ARHGAP42: variants seen among roughly 807,000 people sequenced by gnomAD.
ARHGAP42 encodes rho GTPase-activating protein 42.
In ARHGAP42, 63 loss-of-function variants were observed where a neutral mutation model predicts 125.0. The ratio of observed to expected loss-of-function variants is 0.50; its 90% CI spans 0.41 to 0.62. The LOEUF is 0.62. Among genes scored for constraint, ARHGAP42 ranks in the 20% least tolerant of loss-of-function variants. ARHGAP42 has a pLI of 0.00. For missense variants in ARHGAP42, 766 were observed against 1,024.2 expected (o/e 0.75, Z 3.44); for synonymous variants, 339 against 351.0 (o/e 0.97, Z 0.38).
At chr11:100,730,744 G>A (rs1861941547) in intron 1 of ARHGAP42, among the ~76,000 whole-genome samples, 1 of 152,198 alleles carries the variant, frequency 6.6e-6, no homozygotes, top group African/African-American at 2.4e-5. Flanking sequence ...TTGTCATTGT[G>A]TGAACATCAT....
Position 100,958,665 on chromosome 11 carries a change from G to GT in ARHGAP42, c.1163-1212dup, listed in dbSNP as rs567261632. Among the ~76,000 whole-genome samples, 34 of 151,970 alleles carry GT rather than the reference G, an allele frequency of 2.2e-4. 1 individual carries two copies. The East Asian group carries it at 4.4e-3, about 20-fold the overall frequency. ...AGTAGTTTGCATATATATTTGTGGAGTTTTTTCTTAGGAAAATAGAAACAG... is the reference window on the plus strand; with the variant it reads ...AGTAGTTTGCATATATATTTGTGGAGTTTTTTTCTTAGGAAAATAGAAACAG... On this transcript the variant is annotated intron_variant, in intron 12 of 23. Transcript: ENST00000298815.
intron 1 of ARHGAP42, among the ~76,000 whole-genome samples, chr11:100,700,497 C>G (rs1861379103): frequency 1.3e-5 from 2 of 152,178 alleles, no homozygotes; most frequent in Admixed American, 1.3e-4. Flanking sequence ...GCAGTCAGTC[C>G]TCTCAAACCC....
At chr11:100,791,657 TTTTTGAAGTCC>T in intron 2 of ARHGAP42, among the ~76,000 whole-genome samples, 1 of 152,134 alleles carries the variant, frequency 6.6e-6, no homozygotes, top group African/African-American at 2.4e-5. Flanking sequence ...CAGTCGTAAT[TTTTTGAAGTCC>T]TTTCCCTGAA....
At chr11:100,795,888 A>C (rs543297245) in intron 3 of ARHGAP42, among the ~76,000 whole-genome samples, 1 of 152,318 alleles carries the variant, frequency 6.6e-6, no homozygotes, top group Admixed American at 6.5e-5. Flanking sequence ...CGATGCTGAT[A>C]GTCAGTTACA....
intron 4 of ARHGAP42, among the ~76,000 whole-genome samples, chr11:100,895,430 C>A (rs928761385): frequency 2.0e-5 from 3 of 151,600 alleles, no homozygotes; most frequent in African/African-American, 4.8e-5. Flanking sequence ...GGAAATTGGG[C>A]CTTAGAAAAG....
chr11:100,889,213 G>C (rs1204264073), intron 4 of ARHGAP42, among the ~76,000 whole-genome samples: 1 of 152,184 alleles, frequency 6.6e-6, no homozygotes, highest in African/African-American at 2.4e-5. Flanking sequence ...AGATTAAAGA[G>C]TGCTATGGTC....
At chr11:100,937,984 A>G (rs571746270) in intron 8 of ARHGAP42, among the ~76,000 whole-genome samples, 34 of 151,574 alleles carry the variant, frequency 2.2e-4, no homozygotes, top group Admixed American at 1.3e-3. Context: ...CTTTTGTTCT[A>G]AGATGCTTAA....
intron 1 of ARHGAP42, among the ~76,000 whole-genome samples, chr11:100,744,851 A>C (rs1862264810): frequency 6.6e-6 from 1 of 152,098 alleles, no homozygotes. Context: ...AATTCTCTGC[A>C]AGGCAATGTA....
chr11:100,818,858 C>T (rs575655400), intron 3 of ARHGAP42, among the ~76,000 whole-genome samples: 5 of 152,066 alleles, frequency 3.3e-5, no homozygotes, highest in African/African-American at 1.2e-4. Flanking sequence ...AGATTTCAGC[C>T]AGATTATGTA....
chr11:100,762,506 C>T (rs989906389), intron 1 of ARHGAP42, among the ~76,000 whole-genome samples: 6 of 152,192 alleles, frequency 3.9e-5, no homozygotes, highest in Non-Finnish European at 8.8e-5. Flanking sequence ...CTTCCTTCAG[C>T]TCAACTCTCG....
chr11:100,874,586 A>T (rs1282550509), intron 4 of ARHGAP42, among the ~76,000 whole-genome samples: 4 of 151,902 alleles, frequency 2.6e-5, no homozygotes, highest in African/African-American at 9.7e-5. Context: ...GAGCCCCCGT[A>T]TTTTCCATGG....
At chr11:100,849,666 T>G (rs35174329) in intron 3 of ARHGAP42, among the ~76,000 whole-genome samples, 19,868 of 152,118 alleles carry the variant, frequency 0.13, 1,388 homozygotes, top group African/African-American at 0.19. Flanking sequence ...AAAAAGATTA[T>G]TTTCTCTTCC....
chr11:100,919,249 T>C (rs1357283710), intron 5 of ARHGAP42, among the ~76,000 whole-genome samples: 1 of 152,180 alleles, frequency 6.6e-6, no homozygotes, highest in Non-Finnish European at 1.5e-5. Context: ...TCCTGGCACG[T>C]ACCCAAATTC....
At chr11:100,856,473 G>A (rs1054803727) in intron 3 of ARHGAP42, among the ~76,000 whole-genome samples, 1 of 151,978 alleles carries the variant, frequency 6.6e-6, no homozygotes, top group Admixed American at 6.6e-5. Flanking sequence ...CAGCCAAATT[G>A]GTTTGTAAAT....
At chr11:100,794,525 A>G (rs1251923882) in intron 2 of ARHGAP42, among the ~76,000 whole-genome samples, 1 of 152,204 alleles carries the variant, frequency 6.6e-6, no homozygotes, top group African/African-American at 2.4e-5. Flanking sequence ...AACTCCCAAG[A>G]TGCTGATGTT....
chr11:100,871,042 A>G (rs575685778), intron 4 of ARHGAP42, among the ~76,000 whole-genome samples: 1 of 151,998 alleles, frequency 6.6e-6, no homozygotes, highest in South Asian at 2.1e-4. Flanking sequence ...AATAAATTGT[A>G]CCAGCATTTG....
rs150931202 is a variant in ARHGAP42 at position 100,820,948 on chromosome 11, T to TTTTG, written c.312+25802_312+25805dup. On this transcript the variant is annotated intron_variant, in intron 3 of 23. Coordinates refer to ENST00000298815, the MANE Select transcript of ARHGAP42 (RefSeq NM_152432.4). ...TTTAAATTAACTGTGGGTCATCTTT[T>TTTTG]TTTGTTTGTTTGTTTGTTTGTTTTT... 5.4e-4 allele frequency among the ~76,000 whole-genome samples: 82 copies of TTTTG among 151,576 alleles called. No individual in the cohort carries two copies. In the East Asian group the frequency reaches 0.014, roughly 25 times the overall value.
In ARHGAP42 at chr11:100,941,811, A is replaced by G. The variant is rs200448659; in HGVS notation, c.860A>G (p.His287Arg). 36 of 1,530,550 alleles carry G rather than the reference A, an allele frequency of 2.4e-5. No homozygotes were observed. The highest frequency in any genetic ancestry group is 1.8e-6 in the Non-Finnish European group (2 of 1,140,956). 94.8% of individuals were successfully genotyped at this position (1,530,550 alleles called of 1,614,324 possible). A position where few individuals can be genotyped will look rare whatever the true frequency, so the allele number is the denominator to read the frequency against. ...KRPLGFTWIKHYCTYDKGSKT... is the reference protein window; with the variant it reads ...KRPLGFTWIKRYCTYDKGSKT... Reference sequence around the variant, plus strand: ...CCGCTTGGTTTTACATGGATTAAACATTATTGTACATATGATAAGGGAAGT... The same window carrying G: ...CCGCTTGGTTTTACATGGATTAAACGTTATTGTACATATGATAAGGGAAGT... The change falls in exon 9 of 24, where the codon CAT becomes CGT. Residue 287 changes from histidine to arginine, a missense_variant. This residue lies in a region of ARHGAP42 where 455 missense variants were observed against 636.5 expected (regional missense o/e 0.71). Coordinates refer to ENST00000298815, the MANE Select transcript of ARHGAP42 (RefSeq NM_152432.4).
At position 100,800,538 on chromosome 11, in the gene ARHGAP42, G is replaced by A. The variant is rs933950701; in HGVS notation, c.312+5372G>A. 3.3e-5 allele frequency among the ~76,000 whole-genome samples: 5 copies of A among 152,124 alleles called. No homozygotes were observed. The South Asian group carries it at 6.2e-4, about 19-fold the overall frequency. ...ATATGATGACAGAGTCAAGGACAGC[G>A]ACCAAGGAGAGGAAATGGCTCAAGA... On this transcript the variant is annotated intron_variant, in intron 3 of 23. Transcript: ENST00000298815.
Sources: gnomAD v4.1 joint callset for allele counts (sites outside exome capture counted in the v4.1 genomes callset) on GRCh38, gnomAD v4.1.1 for gene constraint, gnomAD v4.1.1 regional missense constraint, MANE v1.5 for transcripts, NCBI Gene and HGNC (gene_info 2026-07-23, HGNC 2026-07-21) for gene names.